RMDN2: variants seen among roughly 807,000 people sequenced by gnomAD.
RMDN2 encodes regulator of microtubule dynamics protein 2.
In RMDN2, 61 loss-of-function variants were observed where a neutral mutation model predicts 52.8. The ratio of observed to expected loss-of-function variants is 1.16; its 90% CI spans 0.94 to 1.43. The LOEUF (loss-of-function observed/expected upper bound fraction) is 1.43, where lower values mean the gene tolerates loss of function less well. RMDN2 is among the 40% of genes most tolerant of loss of function. The pLI, the probability that RMDN2 is intolerant of heterozygous loss-of-function variation, is 0.00. For synonymous variants in RMDN2, 180 were observed against 153.1 expected, an observed-to-expected ratio of 1.18 and a Z score of -1.30; for missense variants, 592 against 475.3, an observed-to-expected ratio of 1.25 and a Z score of -2.28.
Position 37,951,530 on chromosome 2 carries a change from A to G in RMDN2, c.452+21801A>G, listed in dbSNP as rs141587026. ...CTAACTTTGATTCTGAAGAAGACAC[A>G]GGCTTCACTGATATAAAATCTTCCT... On this transcript the variant is annotated intron_variant, in intron 2 of 10. Transcript: ENST00000354545. The G allele has an allele frequency of 1.6e-3, 2,565 of 1,612,290 alleles. 40 individuals are homozygous for G. The highest frequency in any genetic ancestry group is 8.2e-3 in the South Asian group (746 of 91,066).
At chr2:38,064,382 C>A in intron 10 of RMDN2, among the ~76,000 whole-genome samples, 1 of 151,764 alleles carries the variant, frequency 6.6e-6, no homozygotes, top group Middle Eastern at 3.4e-3. Flanking sequence ...CCCAGCTACT[C>A]GGGGGGCTGA....
intron 2 of RMDN2, chr2:37,951,460 G>A (rs561874859): frequency 8.1e-6 from 13 of 1,611,888 alleles, no homozygotes; most frequent in Non-Finnish European, 1.1e-5. Context: ...TTATTTGTTG[G>A]ATTTCAAAAA....
chr2:37,942,182 G>T (rs977939469), intron 2 of RMDN2, among the ~76,000 whole-genome samples: 1 of 152,074 alleles, frequency 6.6e-6, no homozygotes, highest in African/African-American at 2.4e-5. Context: ...TGCACTTCCT[G>T]GGTGAGGCGA....
intron 10 of RMDN2, among the ~76,000 whole-genome samples, chr2:38,015,180 C>G (rs1451757882): frequency 6.6e-6 from 1 of 152,198 alleles, no homozygotes; most frequent in Non-Finnish European, 1.5e-5. Context: ...TGTCTGGGTT[C>G]TGCCCTTCTG....
intron 10 of RMDN2, among the ~76,000 whole-genome samples, chr2:38,041,268 T>C (rs565682490): frequency 1.3e-5 from 2 of 152,330 alleles, no homozygotes; most frequent in Non-Finnish European, 2.9e-5. Context: ...TGCCCTCCTC[T>C]CCTACTACTT....
intron 2 of RMDN2, among the ~76,000 whole-genome samples, chr2:37,965,632 G>T (rs1467550708): frequency 6.6e-6 from 1 of 152,100 alleles, no homozygotes; most frequent in South Asian, 2.1e-4. Flanking sequence ...TGATGTAAAA[G>T]AATAAAAGGT....
intron 10 of RMDN2, among the ~76,000 whole-genome samples, chr2:38,066,139 C>A (rs546740462): frequency 6.6e-6 from 1 of 152,310 alleles, no homozygotes; most frequent in African/African-American, 2.4e-5. Flanking sequence ...TGGCCCATTA[C>A]TTTATCGCAT....
chr2:37,928,885 C>G (rs1437869302), intron 1 of RMDN2: 1 of 153,414 alleles, frequency 6.5e-6, no homozygotes, highest in Non-Finnish European at 1.4e-5. Flanking sequence ...TATTTGTTTT[C>G]TATTTGCCCA....
At chr2:37,969,388 A>G (rs187099066) in intron 2 of RMDN2, among the ~76,000 whole-genome samples, 213 of 151,700 alleles carry the variant, frequency 1.4e-3, no homozygotes, top group African/African-American at 4.9e-3. Context: ...ATGTTTTCAG[A>G]TATTATTTTG....
At chr2:37,932,161 A>C (rs956084247) in intron 2 of RMDN2, among the ~76,000 whole-genome samples, 3 of 151,416 alleles carry the variant, frequency 2.0e-5, no homozygotes, top group African/African-American at 4.9e-5. Context: ...GTCAGCAGAT[A>C]AACAAGTGAA....
At chr2:37,991,118 A>G in intron 6 of RMDN2, 102 bp from the exon 7 acceptor site, 1 of 501,636 alleles carries the variant, frequency 2.0e-6, no homozygotes, top group Non-Finnish European at 3.6e-6. Context: ...GAGAACTGAG[A>G]CAATATTTTA....
intron 2 of RMDN2, among the ~76,000 whole-genome samples, chr2:37,950,776 C>A (rs1409926588): frequency 6.6e-6 from 1 of 152,128 alleles, no homozygotes; most frequent in Non-Finnish European, 1.5e-5. Context: ...TTTTAAAATA[C>A]AATTAGTCAA....
chr2:38,031,096 T>C (rs1426627097), intron 10 of RMDN2, among the ~76,000 whole-genome samples: 1 of 152,060 alleles, frequency 6.6e-6, no homozygotes. Flanking sequence ...AGGAAAACAG[T>C]AATTTAAGAT....
chr2:37,965,215 C>G (rs1314678633), intron 2 of RMDN2, among the ~76,000 whole-genome samples: 1 of 151,968 alleles, frequency 6.6e-6, no homozygotes, highest in Non-Finnish European at 1.5e-5. Context: ...AATTTAATCC[C>G]ATTTATATTT....
At chr2:38,047,469 A>C (rs970408354) in intron 10 of RMDN2, among the ~76,000 whole-genome samples, 1 of 152,258 alleles carries the variant, frequency 6.6e-6, no homozygotes, top group Non-Finnish European at 1.5e-5. Flanking sequence ...GCTACAAAGT[A>C]GATGACTCTT....
intron 2 of RMDN2, chr2:37,963,239 A>C (rs1572830764): frequency 6.6e-6 from 1 of 151,154 alleles, no homozygotes; most frequent in Non-Finnish European, 1.5e-5. Context: ...AATAGTTGGC[A>C]GTTAAGCCTG....
At chr2:37,927,927 A>C (rs543389126) in intron 1 of RMDN2, among the ~76,000 whole-genome samples, 3 of 152,292 alleles carry the variant, frequency 2.0e-5, no homozygotes, top group Non-Finnish European at 4.4e-5. Flanking sequence ...GAGTGGGCAG[A>C]TGGTTATAGT....
intron 10 of RMDN2, among the ~76,000 whole-genome samples, chr2:38,031,141 A>G (rs1431137582): frequency 6.6e-6 from 1 of 152,130 alleles, no homozygotes; most frequent in Non-Finnish European, 1.5e-5. Context: ...TCTAAATGAG[A>G]TAATTCATGG....
At chr2:38,058,462 T>C (rs163077) in intron 10 of RMDN2, among the ~76,000 whole-genome samples, 116,434 of 152,130 alleles carry the variant, frequency 0.77, 46,015 homozygotes, top group African/African-American at 0.93. Flanking sequence ...TTAGCCCTCA[T>C]CAGCTTTTCT....
Sources: gnomAD v4.1 joint callset for allele counts (sites outside exome capture counted in the v4.1 genomes callset) on GRCh38, gnomAD v4.1.1 for gene constraint, MANE v1.5 for transcripts, NCBI Gene and HGNC (gene_info 2026-07-23, HGNC 2026-07-21) for gene names.